OXCT1: variants seen among roughly 807,000 people sequenced by gnomAD.
OXCT1 encodes the protein succinyl-CoA:3-ketoacid coenzyme A transferase 1, mitochondrial.
Under a neutral mutation model 69.6 loss-of-function variants are expected in OXCT1, and 27 were observed. The observed-to-expected ratio is 0.39, with a 90% confidence interval of 0.29 to 0.54. The LOEUF (loss-of-function observed/expected upper bound fraction) is 0.54. Among genes scored for constraint, OXCT1 ranks in the 20% least tolerant of loss-of-function variants. The pLI is 0.72. For missense variants in OXCT1, 437 were observed against 650.2 expected (o/e 0.67, Z 3.57); for synonymous variants, 202 against 217.8 (o/e 0.93, Z 0.64).
At chr5:41,746,529 A>G (rs550035148) in intron 15 of OXCT1, among the ~76,000 whole-genome samples, 12 of 152,236 alleles carry the variant, frequency 7.9e-5, no homozygotes, top group Admixed American at 2.0e-4. Flanking sequence ...GCATAGCGAT[A>G]AACACACAAC....
At chr5:41,848,937 G>A (rs922818011) in intron 5 of OXCT1, among the ~76,000 whole-genome samples, 5 of 152,102 alleles carry the variant, frequency 3.3e-5, no homozygotes, top group Admixed American at 6.5e-5. Flanking sequence ...GACAAATGGG[G>A]TCTAATTAAA....
chr5:41,847,830 A>G (rs1382234991), intron 5 of OXCT1, among the ~76,000 whole-genome samples: 1 of 150,302 alleles, frequency 6.7e-6, no homozygotes, highest in African/African-American at 2.4e-5. Flanking sequence ...ATCATACTGA[A>G]TGGGCAAAAA....
chr5:41,787,494 AG>A (rs1268178873), intron 13 of OXCT1, among the ~76,000 whole-genome samples: 1 of 152,112 alleles, frequency 6.6e-6, no homozygotes, highest in Non-Finnish European at 1.5e-5. Context: ...TGAAAATACC[AG>A]AAAGGAGGTC....
intron 3 of OXCT1, among the ~76,000 whole-genome samples, chr5:41,859,065 A>T (rs577265365): frequency 6.6e-6 from 1 of 152,172 alleles, no homozygotes; most frequent in Admixed American, 6.5e-5. Context: ...TCATCATCCT[A>T]CTCCATCCTG....
chr5:41,746,700 T>A (rs1743509984), intron 15 of OXCT1, among the ~76,000 whole-genome samples: 1 of 152,054 alleles, frequency 6.6e-6, no homozygotes, highest in Non-Finnish European at 1.5e-5. Context: ...TAGATCCAAA[T>A]CTCCAATTGT....
chr5:41,734,977 C>A (rs559381090), intron 16 of OXCT1, among the ~76,000 whole-genome samples: 134 of 152,266 alleles, frequency 8.8e-4, no homozygotes, highest in African/African-American at 3.0e-3. Flanking sequence ...GAAATTAGAA[C>A]CCCTGTGCAC....
At chr5:41,748,393 A>G (rs1579650763) in intron 15 of OXCT1, among the ~76,000 whole-genome samples, 1 of 152,040 alleles carries the variant, frequency 6.6e-6, no homozygotes, top group Non-Finnish European at 1.5e-5. Flanking sequence ...CTTTAGAAGG[A>G]CTACCACTTT....
intron 7 of OXCT1, among the ~76,000 whole-genome samples, chr5:41,837,460 C>T (rs1481766775): frequency 2.0e-5 from 3 of 151,434 alleles, no homozygotes; most frequent in South Asian, 2.1e-4. Context: ...GCTAGACAAT[C>T]GAATGAAAAG....
intron 7 of OXCT1, among the ~76,000 whole-genome samples, chr5:41,833,189 T>A (rs1164864802): frequency 6.6e-6 from 1 of 152,140 alleles, no homozygotes; most frequent in Non-Finnish European, 1.5e-5. Context: ...CAAGGAAGAC[T>A]ACCTCCAAAG....
intron 13 of OXCT1, among the ~76,000 whole-genome samples, chr5:41,776,533 C>G (rs1035952811): frequency 2.0e-5 from 3 of 152,186 alleles, no homozygotes; most frequent in Non-Finnish European, 4.4e-5. Context: ...ATCCTAGTAA[C>G]TCTTTAAGCC....
intron 15 of OXCT1, chr5:41,739,709 C>A (rs575040795): frequency 5.4e-4 from 175 of 322,130 alleles, no homozygotes; most frequent in Middle Eastern, 1.1e-3. Context: ...ACTAAAAATA[C>A]AAAAAAAAAA....
chr5:41,743,369 C>A (rs187594695), intron 15 of OXCT1, among the ~76,000 whole-genome samples: 1 of 152,112 alleles, frequency 6.6e-6, no homozygotes, highest in African/African-American at 2.4e-5. Flanking sequence ...TTTGTAGATT[C>A]TGGATATTAG....
At chr5:41,768,040 T>C (rs1744702817) in intron 13 of OXCT1, among the ~76,000 whole-genome samples, 1 of 152,110 alleles carries the variant, frequency 6.6e-6, no homozygotes, top group South Asian at 2.1e-4. Context: ...TAAAACCACA[T>C]TTCCAGCTAA....
chr5:41,798,764 C>T (rs1275961218), intron 11 of OXCT1, among the ~76,000 whole-genome samples: 2 of 152,206 alleles, frequency 1.3e-5, no homozygotes, highest in African/African-American at 4.8e-5. Context: ...CATTGGGTTA[C>T]TCTAGGTTAG....
rs565972966 is a variant in OXCT1, at chr5:41,747,379, C to T, written c.1419+2148G>A. 9.9e-5 allele frequency among the ~76,000 whole-genome samples: 15 copies of T among 152,244 alleles called. No individual in the cohort carries two copies. In the South Asian group the frequency reaches 3.1e-3, roughly 32 times the overall value. ...AAATTCCTACTGCTCTTTCGAGGCTCACCATTCAATCCAGTTTTTCAGCAA... is the reference window on the plus strand; with the variant it reads ...AAATTCCTACTGCTCTTTCGAGGCTTACCATTCAATCCAGTTTTTCAGCAA... On this transcript the variant is annotated intron_variant, in intron 15 of 16. Coordinates refer to ENST00000196371, the MANE Select transcript of OXCT1 (RefSeq NM_000436.4).
At chr5:41,765,641 T>C (rs906687553) in intron 13 of OXCT1, among the ~76,000 whole-genome samples, 1 of 152,174 alleles carries the variant, frequency 6.6e-6, no homozygotes, top group African/African-American at 2.4e-5. Flanking sequence ...GGGGACATTT[T>C]ACTACTGCTC....
intron 7 of OXCT1, among the ~76,000 whole-genome samples, chr5:41,839,144 C>T (rs1237706988): frequency 6.6e-6 from 1 of 152,190 alleles, no homozygotes; most frequent in Non-Finnish European, 1.5e-5. Flanking sequence ...GAGAGCCTCT[C>T]TTTCCTAATA....
chr5:41,758,543 T>C (rs911135913), intron 14 of OXCT1, among the ~76,000 whole-genome samples: 1 of 141,924 alleles, frequency 7.0e-6, no homozygotes, highest in Admixed American at 7.2e-5. Flanking sequence ...ATACAAGTGG[T>C]GGAGGGAGCC....
At chr5:41,843,646 C>G in intron 5 of OXCT1, 3 of 455,470 alleles carry the variant, frequency 6.6e-6, no homozygotes, top group South Asian at 3.1e-5. Context: ...CACTCCATCA[C>G]TGCACAAAAT....
Sources: gnomAD v4.1 joint callset for allele counts (sites outside exome capture counted in the v4.1 genomes callset) on GRCh38, gnomAD v4.1.1 for gene constraint, MANE v1.5 for transcripts, NCBI Gene and HGNC (gene_info 2026-07-23, HGNC 2026-07-21) for gene names.